Variants in RABGAP1 observed in about 807,000 individuals in gnomAD.
RABGAP1 encodes RAB GTPase activating protein 1, also known as rab GTPase-activating protein 1.
A neutral mutation model predicts 137.6 loss-of-function variants in RABGAP1; 23 were observed. That is an observed-to-expected ratio of 0.17 (90% CI 0.12 to 0.24). RABGAP1 has a LOEUF of 0.24. RABGAP1 is among the 10% of genes least tolerant of loss of function. RABGAP1 has a pLI of 1.00. For missense variants in RABGAP1, 906 were observed against 1,275.8 expected (o/e 0.71, Z 4.42); for synonymous variants, 451 against 450.7 (o/e 1.00, Z -0.01).
At chr9:122,952,613 G>C (rs1282504185) in intron 1 of RABGAP1, among the ~76,000 whole-genome samples, 1 of 152,090 alleles carries the variant, frequency 6.6e-6, no homozygotes, top group African/African-American at 2.4e-5. Context: ...GCACACACTT[G>C]TGGTCCTAGC....
chr9:123,084,578 G>A (rs770664025), intron 19 of RABGAP1, among the ~76,000 whole-genome samples: 6 of 152,172 alleles, frequency 3.9e-5, no homozygotes, highest in Non-Finnish European at 7.3e-5. Context: ...CACTTCCAGA[G>A]GGTAGCCTGT....
chr9:122,944,623 T>C (rs904172145), intron 1 of RABGAP1, among the ~76,000 whole-genome samples: 4 of 151,830 alleles, frequency 2.6e-5, no homozygotes, highest in African/African-American at 9.7e-5. Flanking sequence ...CAGGCTGGAG[T>C]GCAGTGGCGT....
At chr9:123,023,970 A>G (rs1046994518) in intron 13 of RABGAP1, among the ~76,000 whole-genome samples, 1 of 152,156 alleles carries the variant, frequency 6.6e-6, no homozygotes, top group African/African-American at 2.4e-5. Flanking sequence ...TAACCTGGCA[A>G]ACAAAACTGA....
rs772086190 is a variant in RABGAP1 at position 123,010,362 on chromosome 9, A to G, written c.1383A>G (p.Gln461=). 8 of 1,609,500 alleles carry G rather than the reference A, an allele frequency of 5.0e-6. No individual in the cohort carries two copies. In the South Asian group the frequency reaches 7.8e-5, roughly 16 times the overall value. The change falls in exon 11 of 26, where the codon CAA becomes CAG. Residue 461 remains glutamine (Q), a synonymous_variant. Transcript: ENST00000373647. The part of the protein sequence containing the change: ...NFFLKLKQIK[Q]RERKNNTDTL... ...ATTTTTTCATCTTCAAGATAAAGCA[A>G]AGGGAGAGAAAGAATAATACTGACA...
At chr9:123,011,955 TCAA>T (rs534225221) in intron 11 of RABGAP1, among the ~76,000 whole-genome samples, 19 of 151,922 alleles carry the variant, frequency 1.3e-4, no homozygotes, top group Admixed American at 2.0e-4. Flanking sequence ...AAACTCTGTC[TCAA>T]CAACAACAAC....
At chr9:122,998,092 TTTTA>T (rs1289173275) in intron 9 of RABGAP1, among the ~76,000 whole-genome samples, 3 of 151,898 alleles carry the variant, frequency 2.0e-5, no homozygotes, top group East Asian at 1.9e-4. Flanking sequence ...ATTTTTTTTA[TTTTA>T]TTTATTTATT....
At chr9:122,941,000 T>C (rs979236709), upstream of RABGAP1, 1 of 5,972 alleles carries the variant, frequency 1.7e-4, no homozygotes, top group African/African-American at 5.4e-4. Flanking sequence ...AGTAAAGGGG[T>C]GGGGGGGCGG....
intron 19 of RABGAP1, among the ~76,000 whole-genome samples, chr9:123,081,997 G>C (rs1465795244): frequency 6.6e-6 from 1 of 150,936 alleles, no homozygotes; most frequent in Non-Finnish European, 1.5e-5. Context: ...AATTTGGTGT[G>C]GCAGTATCTG....
chr9:123,020,671 G>A (rs1230086031), intron 13 of RABGAP1, among the ~76,000 whole-genome samples: 2 of 152,156 alleles, frequency 1.3e-5, no homozygotes, highest in Non-Finnish European at 2.9e-5. Context: ...GACCAAAGGT[G>A]TCTTCTAGCC....
At chr9:122,946,866 A>T (rs1239857054) in intron 1 of RABGAP1, among the ~76,000 whole-genome samples, 1 of 152,140 alleles carries the variant, frequency 6.6e-6, no homozygotes, top group East Asian at 1.9e-4. Flanking sequence ...TTTCATCCCT[A>T]CTTGTTACCT....
intron 21 of RABGAP1, among the ~76,000 whole-genome samples, chr9:123,096,575 T>G (rs559423053): frequency 1.4e-3 from 212 of 152,346 alleles, no homozygotes; most frequent in Middle Eastern, 0.014. Flanking sequence ...CACCTTTTTT[T>G]CTCTCTCTTT....
chr9:123,035,305 G>C, intron 13 of RABGAP1: 1 of 1,614,184 alleles, frequency 6.2e-7, no homozygotes, highest in Non-Finnish European at 8.5e-7. Flanking sequence ...GGCCTGTCCT[G>C]ATAAGCGCTA....
chr9:122,997,293 A>G lies in RABGAP1; in HGVS notation c.1136A>G (p.Tyr379Cys). The change falls in exon 9 of 26, where the codon TAT (tyrosine) becomes TGT (cysteine). Residue 379 changes from tyrosine (Y) to cysteine (C), a missense_variant. Around this residue, in one of 9 missense-constraint regions of RABGAP1, gnomAD observed 212 missense variants for 289.4 expected, o/e 0.73. Coordinates refer to ENST00000373647, the MANE Select transcript of RABGAP1 (RefSeq NM_012197.4). ...SMGKSSDGKSYVITGSWNPKS... is the reference protein window; with the variant it reads ...SMGKSSDGKSCVITGSWNPKS... ...GGCAAAAGTTCAGATGGAAAGTCGT[A>G]TGTTATTACGGGGAGCTGGAATCCA... 6.2e-6 allele frequency: 10 copies of G among 1,611,092 alleles called. No homozygotes were observed. The highest frequency in any genetic ancestry group is 8.5e-6 in the Non-Finnish European group (10 of 1,178,904).
At chr9:122,975,170 A>G (rs1180592607) in intron 2 of RABGAP1, among the ~76,000 whole-genome samples, 2 of 152,112 alleles carry the variant, frequency 1.3e-5, no homozygotes, top group Non-Finnish European at 1.5e-5. Flanking sequence ...TTCGTCTTTA[A>G]TTTTCTGATC....
chr9:122,970,919 T>C (rs1209828037), intron 2 of RABGAP1, among the ~76,000 whole-genome samples: 3 of 152,192 alleles, frequency 2.0e-5, no homozygotes, highest in Non-Finnish European at 4.4e-5. Flanking sequence ...AAGAAAGTAA[T>C]GACAGTCTTC....
intron 4 of RABGAP1, among the ~76,000 whole-genome samples, chr9:122,988,499 ATT>A (rs71388335): frequency 6.9e-6 from 1 of 144,014 alleles, no homozygotes; most frequent in Admixed American, 6.9e-5. Flanking sequence ...TTTATTCATG[ATT>A]TTTTTTTTTT....
In RABGAP1 at chr9:122,983,547, T is replaced by C. The variant is rs532719211; in HGVS notation, c.151-938T>C. Among the ~76,000 whole-genome samples, 211 of 152,284 alleles carry C rather than the reference T, an allele frequency of 1.4e-3. 1 individual carries two copies. The highest frequency in any genetic ancestry group is 0.014 in the Middle Eastern group (4 of 294). On this transcript the variant is annotated intron_variant, in intron 2 of 25. Transcript: ENST00000373647. ...TCTTGGTACCCCAGAGGTACCTACC[T>C]CTGTTATTGGAATATTGCTTCCTAG...
At chr9:123,101,111 T>C (rs558488373) in intron 24 of RABGAP1, among the ~76,000 whole-genome samples, 1 of 152,366 alleles carries the variant, frequency 6.6e-6, no homozygotes, top group East Asian at 1.9e-4. Context: ...ATTTTTGTGT[T>C]CTATTTCAAC....
rs1836365490 is a variant in RABGAP1 at position 122,986,264 on chromosome 9, A to G, written c.435A>G (p.Val145=). ...CACCAGTGGCCGATGAGGACAGCGTAGTTTTCAGTAAACTGACTTACTTAG... is the reference window on the plus strand; with the variant it reads ...CACCAGTGGCCGATGAGGACAGCGTGGTTTTCAGTAAACTGACTTACTTAG... ...PFTPVADEDS[V]VFSKLTYLGC... is the part of the protein sequence containing the mutation. The change falls in exon 4 of 26, where the codon GTA becomes GTG. Residue 145 remains valine, a synonymous_variant. Coordinates refer to ENST00000373647, the MANE Select transcript of RABGAP1 (RefSeq NM_012197.4). 6.2e-7 allele frequency: 1 copy of G among 1,614,194 alleles called. No homozygotes were observed. Among genetic ancestry groups the G allele is most frequent in the South Asian group, 1.1e-5 (1 of 91,082 alleles).
Sources: allele counts gnomAD v4.1 joint callset (sites outside exome capture counted in the v4.1 genomes callset), GRCh38; gene constraint gnomAD v4.1.1; regional missense constraint gnomAD v4.1.1; transcripts MANE v1.5; gene names NCBI Gene and HGNC (gene_info 2026-07-23, HGNC 2026-07-21).